The following EIPR1 variants were observed in gnomAD, a reference collection of about 807,000 sequenced individuals.
EIPR1 encodes EARP complex and GARP complex interacting protein 1.
A neutral mutation model predicts 48.1 loss-of-function variants in EIPR1; 25 were observed. The ratio of observed to expected loss-of-function variants is 0.52; its 90% CI spans 0.38 to 0.73. The LOEUF (loss-of-function observed/expected upper bound fraction) is 0.73. Ranked by LOEUF, EIPR1 falls within the 30% of genes least tolerant of loss-of-function variation. The probability of loss-of-function intolerance (pLI) is 0.00; values close to 1 mark genes in which losing one functional copy is unlikely to be tolerated. For missense variants in EIPR1, 415 were observed against 506.2 expected (o/e 0.82, Z 1.73); for synonymous variants, 204 against 201.9 (o/e 1.01, Z -0.09).
At chr2:3,247,273 C>T (rs957091058) in intron 4 of EIPR1, among the ~76,000 whole-genome samples, 4 of 152,120 alleles carry the variant, frequency 2.6e-5, no homozygotes, top group Admixed American at 6.5e-5. Context: ...AAGAATGCGC[C>T]GAGGTTTCCA....
intron 3 of EIPR1, among the ~76,000 whole-genome samples, chr2:3,313,094 A>T (rs540298565): frequency 6.6e-6 from 1 of 152,188 alleles, no homozygotes; most frequent in South Asian, 2.1e-4. Context: ...CAGTGACCCA[A>T]TGAGGCTGGG....
chr2:3,282,575 C>G (rs565161418), intron 3 of EIPR1: 2 of 152,266 alleles, frequency 1.3e-5, no homozygotes, highest in Non-Finnish European at 2.9e-5. Flanking sequence ...GACGGCCGCA[C>G]GGGCTGCTGC....
chr2:3,297,381 C>A (rs959769785), intron 3 of EIPR1, among the ~76,000 whole-genome samples: 3 of 152,258 alleles, frequency 2.0e-5, no homozygotes, highest in African/African-American at 7.2e-5. Context: ...GCTGGTGAGG[C>A]AAGTGGTAAG....
At chr2:3,325,403 G>A (rs907885103) in intron 3 of EIPR1, among the ~76,000 whole-genome samples, 4 of 152,222 alleles carry the variant, frequency 2.6e-5, no homozygotes, top group Non-Finnish European at 5.9e-5. Flanking sequence ...CCAGCATCCT[G>A]TCCACTGTGG....
At chr2:3,308,388 T>C (rs1342408215) in intron 3 of EIPR1, among the ~76,000 whole-genome samples, 1 of 151,476 alleles carries the variant, frequency 6.6e-6, no homozygotes, top group Non-Finnish European at 1.5e-5. Context: ...ATGAAAGATA[T>C]AAAAAAGAAC....
At chr2:3,373,609 A>C (rs1237878089) in intron 1 of EIPR1, among the ~76,000 whole-genome samples, 1 of 151,972 alleles carries the variant, frequency 6.6e-6, no homozygotes, top group Non-Finnish European at 1.5e-5. Context: ...GCCAAATCAT[A>C]AGTGAACTCC....
chr2:3,336,772 A>G (rs985977037), intron 3 of EIPR1, among the ~76,000 whole-genome samples: 1 of 151,802 alleles, frequency 6.6e-6, no homozygotes, highest in African/African-American at 2.4e-5. Context: ...TGTCAAGAAA[A>G]GAAAAGGAAA....
At chr2:3,349,144 C>A (rs1670492880) in intron 2 of EIPR1, among the ~76,000 whole-genome samples, 1 of 152,238 alleles carries the variant, frequency 6.6e-6, no homozygotes, top group African/African-American at 2.4e-5. Flanking sequence ...CAGAGCTGAA[C>A]TGCAAATTCA....
At chr2:3,363,246 A>G (rs1398956793) in intron 1 of EIPR1, among the ~76,000 whole-genome samples, 1 of 152,230 alleles carries the variant, frequency 6.6e-6, no homozygotes, top group African/African-American at 2.4e-5. Flanking sequence ...GGCACTACAA[A>G]GGGAGACGGG....
At chr2:3,360,461 A>G (rs1670825994) in intron 1 of EIPR1, among the ~76,000 whole-genome samples, 1 of 152,118 alleles carries the variant, frequency 6.6e-6, no homozygotes, top group Admixed American at 6.6e-5. Context: ...TCACAAAGCC[A>G]AATTTCTAGT....
At chr2:3,282,444 C>T (rs913164859) in intron 3 of EIPR1, 3 of 152,334 alleles carry the variant, frequency 2.0e-5, no homozygotes, top group African/African-American at 7.2e-5. Flanking sequence ...CCTCGTCACT[C>T]CCTCCCACCT....
Position 3,252,141 on chromosome 2 carries a change from G to A in EIPR1, c.416+5158C>T, listed in dbSNP as rs925909536. Among the ~76,000 whole-genome samples, 4 of 152,196 alleles carry A rather than the reference G, an allele frequency of 2.6e-5. 1 individual carries two copies. The highest frequency in any genetic ancestry group is 1.3e-4 in the Admixed American group (2 of 15,284). On this transcript the variant is annotated intron_variant, in intron 4 of 8. Transcript: ENST00000382125. ...ATTCATTTTCTCACTCAAATACGCG[G>A]AGTGTCCGCCCTGTGCTGTCCTTGG...
intron 4 of EIPR1, among the ~76,000 whole-genome samples, chr2:3,223,431 T>C (rs1028729382): frequency 1.3e-5 from 2 of 152,224 alleles, no homozygotes; most frequent in African/African-American, 4.8e-5. Flanking sequence ...GACAGGCACC[T>C]AAGAGGCCTT....
intron 7 of EIPR1, among the ~76,000 whole-genome samples, chr2:3,193,057 G>A (rs910785496): frequency 3.3e-5 from 5 of 152,160 alleles, no homozygotes; most frequent in Non-Finnish European, 5.9e-5. Flanking sequence ...TCTTGCTGGC[G>A]TGGGTCCTAG....
intron 6 of EIPR1, 112 bp from the exon 7 acceptor site, chr2:3,194,278 G>T (rs1313454238): frequency 2.9e-6 from 4 of 1,380,312 alleles, no homozygotes; most frequent in Non-Finnish European, 4.0e-6. Flanking sequence ...CCCCGGCCCA[G>T]GGTGCTCTCA....
intron 5 of EIPR1, chr2:3,208,526 G>A (rs1399860438): frequency 6.5e-7 from 1 of 1,545,864 alleles, no homozygotes; most frequent in African/African-American, 1.4e-5. Flanking sequence ...CTGATTAAAA[G>A]GACTACTTAA....
At position 3,342,264 on chromosome 2, in the gene EIPR1, T is replaced by C. The variant is rs1436233844; in HGVS notation, c.127-4115A>G. ...TTTAAAAGCAGGCTATAAAATGGCA[T>C]GTGATTATATAATACCATCACACAG... On this transcript the variant is annotated intron_variant, in intron 2 of 8. Coordinates refer to ENST00000382125, the MANE Select transcript of EIPR1 (RefSeq NM_003310.5). 2.6e-5 allele frequency among the ~76,000 whole-genome samples: 4 copies of C among 152,254 alleles called. No individual in the cohort carries two copies. The East Asian group carries it at 7.7e-4, about 29-fold the overall frequency.
intron 3 of EIPR1, among the ~76,000 whole-genome samples, chr2:3,314,042 C>G (rs1331627413): frequency 6.6e-6 from 1 of 152,180 alleles, no homozygotes; most frequent in Non-Finnish European, 1.5e-5. Context: ...GCTAGCTCCC[C>G]GGAGAGCACC....
intron 4 of EIPR1, among the ~76,000 whole-genome samples, chr2:3,239,339 C>T (rs963547352): frequency 6.6e-6 from 1 of 152,216 alleles, no homozygotes; most frequent in African/African-American, 2.4e-5. Flanking sequence ...ATAAAAGCCG[C>T]CTTCACACAG....
Sources: gnomAD v4.1 joint callset for allele counts (sites outside exome capture counted in the v4.1 genomes callset) on GRCh38, gnomAD v4.1.1 for gene constraint, MANE v1.5 for transcripts, NCBI Gene and HGNC (gene_info 2026-07-23, HGNC 2026-07-21) for gene names.